RANBP10: variants seen among roughly 807,000 people sequenced by gnomAD.
RANBP10 encodes the protein ran-binding protein 10.
A neutral mutation model predicts 72.8 loss-of-function variants in RANBP10; 24 were observed. The ratio of observed to expected loss-of-function variants is 0.33; its 90% confidence interval spans 0.24 to 0.46. The LOEUF is 0.46. RANBP10 is among the 20% of genes least tolerant of loss of function. RANBP10 has a pLI of 1.00. For synonymous variants in RANBP10, 310 were observed against 322.3 expected, an observed-to-expected ratio of 0.96 and a Z score of 0.41; for missense variants, 679 against 817.5, an observed-to-expected ratio of 0.83 and a Z score of 2.07.
At chr16:67,778,308 C>A (rs1360206579) in intron 2 of RANBP10, among the ~76,000 whole-genome samples, 1 of 151,836 alleles carries the variant, frequency 6.6e-6, no homozygotes, top group Non-Finnish European at 1.5e-5. Context: ...AAGATCGCGC[C>A]ACTGCACTCC....
At chr16:67,795,718 G>A (rs1328923181) in intron 2 of RANBP10, among the ~76,000 whole-genome samples, 2 of 150,936 alleles carry the variant, frequency 1.3e-5, no homozygotes, top group East Asian at 2.0e-4. Flanking sequence ...AGCCAGGTGC[G>A]GTGGCGGGCA....
chr16:67,739,925 C>T (rs2053933643), intron 4 of RANBP10: 1 of 152,038 alleles, frequency 6.6e-6, no homozygotes, highest in Admixed American at 6.6e-5. Flanking sequence ...GTTCTTCAAA[C>T]TGAGAAATGA....
chr16:67,759,275 GA>G (rs1229111281), intron 3 of RANBP10, among the ~76,000 whole-genome samples: 8 of 152,252 alleles, frequency 5.3e-5, no homozygotes, highest in Admixed American at 5.2e-4. Context: ...GAAAGGCAGA[GA>G]GGGGCAAGGC....
At chr16:67,758,623 G>C (rs1169230308) in intron 3 of RANBP10, among the ~76,000 whole-genome samples, 1 of 152,172 alleles carries the variant, frequency 6.6e-6, no homozygotes, top group African/African-American at 2.4e-5. Context: ...TGTGGCCTCA[G>C]CCTCACCCAG....
At chr16:67,774,309 C>A (rs13335252) in intron 2 of RANBP10, among the ~76,000 whole-genome samples, 2 of 152,200 alleles carry the variant, frequency 1.3e-5, no homozygotes, top group African/African-American at 4.8e-5. Context: ...CATGTGCAAA[C>A]GGGGAGGTCA....
chr16:67,798,741 C>T (rs946753162), intron 2 of RANBP10, among the ~76,000 whole-genome samples: 1 of 152,080 alleles, frequency 6.6e-6, no homozygotes, highest in Non-Finnish European at 1.5e-5. Flanking sequence ...CATGCTAGAG[C>T]CAAAGACCTA....
At chr16:67,792,936 G>A (rs1400148488) in intron 2 of RANBP10, among the ~76,000 whole-genome samples, 1 of 151,836 alleles carries the variant, frequency 6.6e-6, no homozygotes, top group Non-Finnish European at 1.5e-5. Context: ...CAGACAAAAG[G>A]GGCAGAACAG....
chr16:67,734,755 A>C, intron 6 of RANBP10, 103 bp downstream of exon 6: 2 of 1,219,562 alleles, frequency 1.6e-6, no homozygotes, highest in Non-Finnish European at 2.2e-6. Context: ...GAAAGGATCC[A>C]CCCGCTGGAA....
intron 2 of RANBP10, among the ~76,000 whole-genome samples, chr16:67,783,803 G>C (rs958437716): frequency 6.6e-6 from 1 of 152,108 alleles, no homozygotes; most frequent in Non-Finnish European, 1.5e-5. Flanking sequence ...CAGCACTTTG[G>C]GAGGCCAAGG....
chr16:67,747,629 G>A (rs1331578627), intron 3 of RANBP10, among the ~76,000 whole-genome samples: 1 of 151,878 alleles, frequency 6.6e-6, no homozygotes, highest in East Asian at 1.9e-4. Context: ...TCAGACTTCC[G>A]AGTAGCTGGG....
Position 67,730,326 on chromosome 16 carries a change from G to A in RANBP10, c.890-280C>T, listed in dbSNP as rs2053702412. 6.6e-6 allele frequency among the ~76,000 whole-genome samples: 1 copy of A among 152,224 alleles called. No homozygotes were observed. Among genetic ancestry groups the A allele is most frequent in the Non-Finnish European group, 1.5e-5 (1 of 68,032 alleles). ...AAATGTGGAGGTCTGCTCCTGCGGG[G>A]CACATGGTGCCAGGGACCTGGGGGC... On this transcript the variant is annotated intron_variant, in intron 7 of 13. Transcript: ENST00000317506. The surrounding 1 kb of genome is among the most constrained non-coding windows in gnomAD (Gnocchi z 4.3).
chr16:67,748,380 G>A (rs964863711), intron 3 of RANBP10, among the ~76,000 whole-genome samples: 7 of 151,528 alleles, frequency 4.6e-5, no homozygotes, highest in South Asian at 2.1e-4. Context: ...AAAATTAGCC[G>A]GGCGTGGTGG....
rs550848404 is a variant in RANBP10 at position 67,731,419 on chromosome 16, G to A, written c.889+53C>T. 42 of 1,464,572 alleles carry A rather than the reference G, an allele frequency of 2.9e-5. No homozygotes were observed. In the South Asian group the frequency reaches 4.2e-4, roughly 15 times the overall value. 90.7% of individuals were successfully genotyped at this position (1,464,572 alleles called of 1,614,324 possible). ...AACCAGGGTTGACATGAGCCAGAGAGCAGAGTTAGGGACAGGTGAGGAAGG... is the reference window on the plus strand; with the variant it reads ...AACCAGGGTTGACATGAGCCAGAGAACAGAGTTAGGGACAGGTGAGGAAGG... On this transcript the variant is annotated intron_variant, in intron 7 of 13. Coordinates refer to ENST00000317506, the MANE Select transcript of RANBP10 (RefSeq NM_020850.3).
rs1350274451 is a variant in RANBP10, at chr16:67,794,818, C to A, written c.347+10610G>T. 6.0e-5 allele frequency among the ~76,000 whole-genome samples: 9 copies of A among 149,646 alleles called. No individual in the cohort carries two copies. In the South Asian group the frequency reaches 1.9e-3, roughly 32 times the overall value. Reference sequence around the variant, plus strand: ...GATTACAGGCTTGAGCCACTGGGCCCAGCCTAAAAAAAATCCTACATATTC... The same window carrying A: ...GATTACAGGCTTGAGCCACTGGGCCAAGCCTAAAAAAAATCCTACATATTC... On this transcript the variant is annotated intron_variant, in intron 2 of 13. Transcript: ENST00000317506.
intron 2 of RANBP10, among the ~76,000 whole-genome samples, chr16:67,772,838 C>T (rs2054633028): frequency 6.6e-6 from 1 of 152,160 alleles, no homozygotes; most frequent in Non-Finnish European, 1.5e-5. Flanking sequence ...GTGTCAGCTT[C>T]CTCTGGCTGC....
At chr16:67,761,003 G>C (rs1166775176) in intron 3 of RANBP10, among the ~76,000 whole-genome samples, 1 of 152,138 alleles carries the variant, frequency 6.6e-6, no homozygotes, top group Non-Finnish European at 1.5e-5. Context: ...CCAGTACCCT[G>C]GCCTCTGCCC....
intron 2 of RANBP10, among the ~76,000 whole-genome samples, chr16:67,783,678 A>G (rs2054854951): frequency 6.6e-6 from 1 of 152,182 alleles, no homozygotes; most frequent in Non-Finnish European, 1.5e-5. Context: ...GTCTGTGCAC[A>G]TTGTAAATGT....
intron 6 of RANBP10, 148 bp downstream of exon 6, chr16:67,734,710 A>C (rs528458691): frequency 5.4e-4 from 413 of 761,850 alleles, no homozygotes; most frequent in Admixed American, 8.6e-4. Flanking sequence ...GAAGCAGGAG[A>C]GCTGCAGGCT....
At chr16:67,773,095 T>C (rs1431079773) in intron 2 of RANBP10, among the ~76,000 whole-genome samples, 1 of 152,172 alleles carries the variant, frequency 6.6e-6, no homozygotes, top group Non-Finnish European at 1.5e-5. Flanking sequence ...CATGTAGACA[T>C]GTAATACCCA....
Sources: gnomAD v4.1 joint callset for allele counts (sites outside exome capture counted in the v4.1 genomes callset) on GRCh38, gnomAD v4.1.1 for gene constraint, Gnocchi (gnomAD v3.1) non-coding constraint, MANE v1.5 for transcripts, NCBI Gene and HGNC (gene_info 2026-07-23, HGNC 2026-07-21) for gene names.